XIST: variants seen among roughly 807,000 people sequenced by gnomAD.
The protein encoded by XIST is X inactive specific transcript (non-protein coding).
chrX:73,848,644 T>A (rs1485557742), exon 1 of XIST: 1 of 558,175 alleles, frequency 1.8e-6, no homozygotes. Context: ...CAAGAGCTGT[T>A]ATTGAATAAT....
exon 6 of XIST, chrX:73,826,049 G>A: frequency 1.8e-6 from 1 of 558,865 alleles, no homozygotes; most frequent in Non-Finnish European, 3.2e-6. Context: ...ACCTCGCTTT[G>A]TCCCAGGCAC....
exon 1 of XIST, chrX:73,844,865 C>T: frequency 2.0e-6 from 1 of 508,763 alleles, no homozygotes; most frequent in East Asian, 3.7e-5. Flanking sequence ...AATTGTGCAC[C>T]TTGACTGTCC....
exon 6 of XIST, chrX:73,823,881 T>C: frequency 3.6e-6 from 2 of 558,256 alleles, no homozygotes. Flanking sequence ...AATGATAACA[T>C]CATTTTTATA....
intron 5 of XIST, chrX:73,828,089 GAT>G (rs1206890810): frequency 2.3e-6 from 1 of 429,203 alleles, no homozygotes; most frequent in Non-Finnish European, 4.0e-6. Context: ...ATCACAGAAA[GAT>G]AAAAAAAATC....
chrX:73,825,057 C>G, exon 6 of XIST: 2 of 514,727 alleles, frequency 3.9e-6, no homozygotes, highest in Non-Finnish European at 7.0e-6. Flanking sequence ...TAATATGCAC[C>G]TTTCTGAAAT....
At chrX:73,830,222 G>C (rs1388987689) in intron 4 of XIST, among the ~76,000 whole-genome samples, 1 of 111,759 alleles carries the variant, frequency 8.9e-6, no homozygotes, top group Admixed American at 9.5e-5. Flanking sequence ...ACAATAGATA[G>C]ATCTTCCTAG....
chrX:73,834,338 T>C (rs1014309716), intron 2 of XIST, among the ~76,000 whole-genome samples: 4 of 112,815 alleles, frequency 3.5e-5, no homozygotes, highest in Non-Finnish European at 7.5e-5. Context: ...CTTAAGCATA[T>C]TTATGGAGTA....
exon 1 of XIST, chrX:73,846,382 G>C (rs756018552): frequency 3.6e-6 from 2 of 559,254 alleles, no homozygotes; most frequent in Non-Finnish European, 3.2e-6. Flanking sequence ...TGCTGGAAGG[G>C]AAAGGTGAGA....
At position 73,838,349 on chromosome X, in the gene XIST, C is replaced by T. The variant is rs748520390; in HGVS notation, n.11343-846G>A. ...AATAAGAGGGTATTGCTTGGGTCTA[C>T]TGCATAACCTCTCATGTTTCCGGGA... On this transcript the variant is annotated intron_variant and non_coding_transcript_variant, in intron 1 of 5. Coordinates refer to ENST00000429829, the Ensembl canonical transcript of XIST. 2.2e-4 allele frequency among the ~76,000 whole-genome samples: 24 copies of T among 110,976 alleles called. No individual in the cohort carries two copies. In the East Asian group the frequency reaches 5.1e-3, roughly 23 times the overall value.
At chrX:73,842,348 C>A in exon 1 of XIST, 1 of 553,009 alleles carries the variant, frequency 1.8e-6, no homozygotes, top group Admixed American at 2.2e-5. Flanking sequence ...TTATAGTGTA[C>A]ACTGGAAACA....
At chrX:73,840,336 C>T (rs1203109652) in intron 1 of XIST, among the ~76,000 whole-genome samples, 1 of 110,692 alleles carries the variant, frequency 9.0e-6, no homozygotes, top group Non-Finnish European at 1.9e-5. Context: ...TGGAAACAAG[C>T]CCTGAGGAAA....
At chrX:73,823,911 G>C (rs763383305) in exon 6 of XIST, 1 of 555,635 alleles carries the variant, frequency 1.8e-6, no homozygotes, top group Admixed American at 2.2e-5. Flanking sequence ...ATGTAGTTCC[G>C]AGCCCCACAG....
chrX:73,837,169 G>A (rs993566840), intron 2 of XIST, among the ~76,000 whole-genome samples: 4 of 111,429 alleles, frequency 3.6e-5, no homozygotes, highest in African/African-American at 6.5e-5. Flanking sequence ...CTAATTTTAC[G>A]CTGGAGAAAC....
exon 1 of XIST, chrX:73,844,149 A>G (rs1922671006): frequency 1.8e-6 from 1 of 556,772 alleles, no homozygotes; most frequent in Non-Finnish European, 3.2e-6. Flanking sequence ...CATAAATGCA[A>G]TTATGCATGT....
At chrX:73,821,059 T>G in exon 6 of XIST, 1 of 558,816 alleles carries the variant, frequency 1.8e-6, no homozygotes, top group East Asian at 3.2e-5. Flanking sequence ...AGTTACTTTC[T>G]TCTTTCCATT....
exon 6 of XIST, chrX:73,824,649 C>G (rs1922207912): frequency 5.4e-6 from 3 of 555,606 alleles, no homozygotes; most frequent in East Asian, 6.5e-5. Flanking sequence ...TTTATTCATA[C>G]AGAAAGCATC....
intron 2 of XIST, among the ~76,000 whole-genome samples, chrX:73,836,957 C>A (rs1922494292): frequency 9.0e-6 from 1 of 111,519 alleles, no homozygotes. Flanking sequence ...TATAAAATAT[C>A]CCTGAGATCA....
chrX:73,850,387 G>A (rs762005272), exon 1 of XIST: 5 of 532,058 alleles, frequency 9.4e-6, no homozygotes, highest in Non-Finnish European at 1.7e-5. Flanking sequence ...TACAAATAAA[G>A]CCTCTTAATA....
exon 6 of XIST, chrX:73,826,147 G>A: frequency 1.8e-6 from 1 of 559,126 alleles, no homozygotes; most frequent in Non-Finnish European, 3.2e-6. Flanking sequence ...TTGCTGGCAG[G>A]TGCTTCTCAG....
Sources: allele counts gnomAD v4.1 joint callset (sites outside exome capture counted in the v4.1 genomes callset), GRCh38; gene constraint gnomAD v4.1.1; transcripts MANE v1.5; gene names NCBI Gene and HGNC (gene_info 2026-07-23, HGNC 2026-07-21).